DMXL2: variants seen among roughly 807,000 people sequenced by gnomAD.
The protein encoded by DMXL2 is dmX-like protein 2.
A neutral mutation model predicts 331.1 loss-of-function variants in DMXL2; 103 were observed. The observed-to-expected ratio is 0.31, with a 90% CI of 0.27 to 0.37. DMXL2 has a LOEUF of 0.37. Among genes scored for constraint, DMXL2 ranks in the 10% least tolerant of loss-of-function variants. The probability of loss-of-function intolerance (pLI) is 1.00; values close to 1 mark genes in which losing one functional copy is unlikely to be tolerated. For synonymous variants in DMXL2, 1,281 were observed against 1,252.1 expected, an observed-to-expected ratio of 1.02 and a Z score of -0.49; for missense variants, 3,171 against 3,642.9, an observed-to-expected ratio of 0.87 and a Z score of 3.33.
At chr15:51,542,260 G>T in intron 9 of DMXL2, 73 bp downstream of exon 9, 1 of 1,394,650 alleles carries the variant, frequency 7.2e-7, no homozygotes, top group Non-Finnish European at 9.9e-7. Context: ...AACAGGTTAT[G>T]AAAGTAGTTC....
At position 51,455,158 on chromosome 15, in the gene DMXL2, G is replaced by C. The variant is rs1258286385; in HGVS notation, c.8597C>G (p.Pro2866Arg). The C allele has an allele frequency of 1.2e-6, 2 of 1,613,432 alleles. No homozygotes were observed. The highest frequency in any genetic ancestry group is 1.7e-6 in the Non-Finnish European group (2 of 1,179,388). ...QVNQTASNPK[P>R]YMSWQCHSKA... ...ACATTTAGTGATACTTACCATATAA[G>C]GTTTAGGATTTGATGCAGTTTGGTT... The change falls in exon 40 of 44, where the codon CCT becomes CGT. Residue 2866 changes from proline to arginine, a missense_variant. Pro to Arg is a moderately radical substitution (Grantham distance 103). Around this residue, in one of 7 missense-constraint regions of DMXL2, gnomAD observed 766 missense variants for 940.5 expected, o/e 0.81. Transcript: ENST00000560891.
At chr15:51,494,818 CTTAG>C (rs765419227) in intron 19 of DMXL2, among the ~76,000 whole-genome samples, 4 of 152,228 alleles carry the variant, frequency 2.6e-5, no homozygotes, top group South Asian at 2.1e-4. Flanking sequence ...TTCTAAAAAA[CTTAG>C]TTAGATGAGC....
chr15:51,589,423 A>T (rs1428853649), intron 1 of DMXL2, among the ~76,000 whole-genome samples: 1 of 152,236 alleles, frequency 6.6e-6, no homozygotes, highest in African/African-American at 2.4e-5. Flanking sequence ...TGTGTATCTT[A>T]AAATAAACCT....
chr15:51,585,771 T>G (rs1329259343), intron 1 of DMXL2, among the ~76,000 whole-genome samples: 1 of 152,220 alleles, frequency 6.6e-6, no homozygotes, highest in East Asian at 1.9e-4. Flanking sequence ...TAATTTGTAT[T>G]TTTATTAGAA....
chr15:51,600,149 G>C (rs896398431), intron 1 of DMXL2, among the ~76,000 whole-genome samples: 1 of 152,180 alleles, frequency 6.6e-6, no homozygotes, highest in South Asian at 2.1e-4. Context: ...TCAAGTATAA[G>C]TCTGACTTTC....
intron 26 of DMXL2, among the ~76,000 whole-genome samples, chr15:51,477,134 A>C (rs1324179115): frequency 6.6e-6 from 1 of 152,056 alleles, no homozygotes; most frequent in Non-Finnish European, 1.5e-5. Flanking sequence ...GTGCAAGTTT[A>C]ACCCTAAATT....
chr15:51,551,734 T>G (rs1295469855), intron 6 of DMXL2, among the ~76,000 whole-genome samples: 3 of 152,174 alleles, frequency 2.0e-5, no homozygotes, highest in African/African-American at 7.2e-5. Context: ...AGCCACTATG[T>G]GAATGGCTGG....
intron 1 of DMXL2, among the ~76,000 whole-genome samples, chr15:51,598,310 T>C (rs562816191): frequency 6.6e-6 from 1 of 152,334 alleles, no homozygotes; most frequent in East Asian, 1.9e-4. Flanking sequence ...TCTGTATACA[T>C]ACATATATTT....
intron 26 of DMXL2, 108 bp downstream of exon 26, chr15:51,478,163 G>A (rs2041733947): frequency 1.3e-6 from 1 of 753,342 alleles, no homozygotes; most frequent in South Asian, 2.1e-5. Context: ...TATCATGGCT[G>A]TCATATTTAG....
intron 6 of DMXL2, among the ~76,000 whole-genome samples, chr15:51,559,138 T>A (rs942819152): frequency 2.6e-5 from 4 of 152,190 alleles, no homozygotes; most frequent in African/African-American, 7.2e-5. Context: ...AGAAAAACAC[T>A]GATATATTTG....
intron 1 of DMXL2, among the ~76,000 whole-genome samples, chr15:51,608,309 A>C (rs1023932700): frequency 6.6e-6 from 1 of 152,222 alleles, no homozygotes; most frequent in Non-Finnish European, 1.5e-5. Context: ...GCGTATGTCC[A>C]CTGCAGCACT....
chr15:51,507,296 A>T, intron 15 of DMXL2, 43 bp from the exon 16 acceptor site: 1 of 1,557,660 alleles, frequency 6.4e-7, no homozygotes, highest in Non-Finnish European at 8.7e-7. Flanking sequence ...GTATGTTTTT[A>T]TGGGGTTAAA....
intron 2 of DMXL2, among the ~76,000 whole-genome samples, chr15:51,572,572 A>G (rs2050744417): frequency 6.6e-6 from 1 of 152,214 alleles, no homozygotes; most frequent in Non-Finnish European, 1.5e-5. Context: ...CAGCACATCA[A>G]AAAGCTTGTC....
chr15:51,506,290 T>A (rs866827462), intron 16 of DMXL2, among the ~76,000 whole-genome samples: 1 of 152,132 alleles, frequency 6.6e-6, no homozygotes, highest in Admixed American at 6.5e-5. Flanking sequence ...CTCGAATTCC[T>A]GTGCTCAAGC....
chr15:51,600,441 A>G (rs2053147472), intron 1 of DMXL2, among the ~76,000 whole-genome samples: 1 of 152,132 alleles, frequency 6.6e-6, no homozygotes, highest in Non-Finnish European at 1.5e-5. Flanking sequence ...CTTGGTTAAG[A>G]ACACCCTGGA....
chr15:51,517,465 C>CT (rs1440196073), intron 13 of DMXL2, among the ~76,000 whole-genome samples: 1 of 152,220 alleles, frequency 6.6e-6, no homozygotes, highest in Non-Finnish European at 1.5e-5. Context: ...GGCCCAATGC[C>CT]TGAGTGGTCT....
chr15:51,488,012 C>T lies in DMXL2; in HGVS notation c.5159G>A (p.Arg1720His), dbSNP rs545336146. The part of the protein sequence containing the change: ...KNAFSLLGKQ[R>H]FEQSAAFFLL... ...GAAAAAAGCAGCCGATTGTTCAAAG[C>T]GTTGTTTTCCAAGTAAGGAAAAAGC... Residue 1720 changes from arginine to histidine, a missense_variant, in exon 22 of 44, where the codon CGC becomes CAC. This residue lies in a region of DMXL2 where 252 missense variants were observed against 387.4 expected (regional missense o/e 0.65). Transcript: ENST00000560891. 9.9e-6 allele frequency: 16 copies of T among 1,613,268 alleles called. No homozygotes were observed. Among genetic ancestry groups the T allele is most frequent in the East Asian group, 2.2e-5 (1 of 44,822 alleles).
chr15:51,482,183 TCA>T (rs900906401), intron 23 of DMXL2, among the ~76,000 whole-genome samples: 2 of 152,220 alleles, frequency 1.3e-5, no homozygotes, highest in East Asian at 1.9e-4. Flanking sequence ...GGTAGCATAA[TCA>T]CACAGAGATG....
At chr15:51,607,327 G>A (rs1014719409) in intron 1 of DMXL2, among the ~76,000 whole-genome samples, 3 of 143,650 alleles carry the variant, frequency 2.1e-5, no homozygotes, top group Admixed American at 6.9e-5. Context: ...ACGGTGGCAG[G>A]TGCCTGTAGT....
Sources: gnomAD v4.1 joint callset for allele counts (sites outside exome capture counted in the v4.1 genomes callset) on GRCh38, gnomAD v4.1.1 for gene constraint, gnomAD v4.1.1 regional missense constraint, MANE v1.5 for transcripts, NCBI Gene and HGNC (gene_info 2026-07-23, HGNC 2026-07-21) for gene names.